SLC9B1: variants seen among roughly 807,000 people sequenced by gnomAD.
SLC9B1 encodes the protein sodium/hydrogen exchanger 9B1.
A neutral mutation model predicts 51.7 loss-of-function variants in SLC9B1; 32 were observed. The ratio of observed to expected loss-of-function variants is 0.62; its 90% CI spans 0.47 to 0.83. The LOEUF is 0.83. Ranked by LOEUF, SLC9B1 falls within the 40% of genes least tolerant of loss-of-function variation. The pLI, the probability that SLC9B1 is intolerant of heterozygous loss-of-function variation, is 0.00. For synonymous variants in SLC9B1, 145 were observed against 212.7 expected, an observed-to-expected ratio of 0.68 and a Z score of 2.77; for missense variants, 406 against 613.2, an observed-to-expected ratio of 0.66 and a Z score of 3.57.
chr4:103,011,721 C>T (rs528526041), intron 1 of SLC9B1, among the ~76,000 whole-genome samples: 2 of 152,302 alleles, frequency 1.3e-5, no homozygotes, highest in East Asian at 3.9e-4. Flanking sequence ...TGACACTGCA[C>T]CTGGGCCTGC....
chr4:102,907,415 G>GA (rs1377907282), intron 9 of SLC9B1, among the ~76,000 whole-genome samples: 6 of 152,162 alleles, frequency 3.9e-5, no homozygotes, highest in African/African-American at 1.2e-4. Flanking sequence ...ATACTACTAG[G>GA]AAAAACAATT....
chr4:102,901,332 C>G lies in SLC9B1; in HGVS notation c.1333G>C (p.Ala445Pro), dbSNP rs771570124. Reference sequence around the variant, plus strand: ...TCTAGAGCCAGAGGACCTAACACAGCCTGCATTTAGGGGTAAAAATGGGGC... The same window carrying G: ...TCTAGAGCCAGAGGACCTAACACAGGCTGCATTTAGGGGTAAAAATGGGGC... ...LAWMPKATVQ[A>P]VLGPLALETA... The change falls in exon 12 of 12, where the codon GCT (alanine) becomes CCT (proline). Residue 445 changes from alanine to proline, a missense_variant and splice_region_variant. By Grantham distance (27) the Ala-to-Pro change is conservative (BLOSUM62 -1). Transcript: ENST00000296422. The G allele has an allele frequency of 1.9e-5, 29 of 1,487,378 alleles. No individual in the cohort carries two copies. The highest frequency in any genetic ancestry group is 2.0e-5 in the Non-Finnish European group (22 of 1,084,332). 92.1% of individuals were successfully genotyped at this position (1,487,378 alleles called of 1,614,324 possible).
At chr4:102,903,875 C>T (rs1734901717) in intron 11 of SLC9B1, among the ~76,000 whole-genome samples, 3 of 152,208 alleles carry the variant, frequency 2.0e-5, no homozygotes, top group Admixed American at 2.0e-4. Context: ...ACAACTGCAA[C>T]AACCAGACAC....
chr4:102,974,637 A>G (rs1458464866), intron 3 of SLC9B1, among the ~76,000 whole-genome samples: 1 of 152,188 alleles, frequency 6.6e-6, no homozygotes, highest in Non-Finnish European at 1.5e-5. Context: ...TCCTGTATCT[A>G]TTTTTAAAAA....
intron 3 of SLC9B1, among the ~76,000 whole-genome samples, chr4:102,983,946 T>A (rs1739488279): frequency 6.6e-6 from 1 of 152,076 alleles, no homozygotes; most frequent in South Asian, 2.1e-4. Flanking sequence ...CTCTTTTCTT[T>A]CTAGCTTCCT....
intron 3 of SLC9B1, among the ~76,000 whole-genome samples, chr4:102,966,070 G>T (rs1578386940): frequency 6.6e-6 from 1 of 152,336 alleles, no homozygotes; most frequent in Admixed American, 6.5e-5. Flanking sequence ...TGCTCTCACT[G>T]GTTGGAATTG....
At chr4:102,914,113 A>T (rs1368735147) in intron 7 of SLC9B1, among the ~76,000 whole-genome samples, 2 of 151,826 alleles carry the variant, frequency 1.3e-5, no homozygotes, top group Non-Finnish European at 2.9e-5. Flanking sequence ...GGGACTGCTG[A>T]TTCATCAGGT....
chr4:102,996,321 C>T (rs1740214153), intron 1 of SLC9B1, among the ~76,000 whole-genome samples: 1 of 152,040 alleles, frequency 6.6e-6, no homozygotes, highest in Non-Finnish European at 1.5e-5. Flanking sequence ...GAGCCAATAT[C>T]ATCTCCCACT....
At chr4:102,997,522 T>A (rs1740289658) in intron 1 of SLC9B1, among the ~76,000 whole-genome samples, 1 of 152,228 alleles carries the variant, frequency 6.6e-6, no homozygotes, top group Non-Finnish European at 1.5e-5. Flanking sequence ...TCACTTTGTA[T>A]CAGGCCTTGA....
rs576301931 is a variant in SLC9B1 at position 102,961,769 on chromosome 4, C to T, written c.212-12342G>A. Among the ~76,000 whole-genome samples, 13 of 152,228 alleles carry T rather than the reference C, an allele frequency of 8.5e-5. No homozygotes were observed. In the East Asian group the frequency reaches 1.5e-3, roughly 18 times the overall value. On this transcript the variant is annotated intron_variant, in intron 3 of 11. Transcript: ENST00000296422. ...TAAGTTCTGGGATACATGTGCAGAA[C>T]GTGCAGGTTTGTTACATAGGTATAC... is the stretch of plus-strand genomic sequence containing the variant.
At chr4:102,950,995 C>G (rs1281375646) in intron 3 of SLC9B1, among the ~76,000 whole-genome samples, 2 of 151,936 alleles carry the variant, frequency 1.3e-5, no homozygotes, top group African/African-American at 4.8e-5. Context: ...AACTCCATCT[C>G]AAGAAAACAA....
chr4:102,913,023 A>T (rs778756827), intron 7 of SLC9B1, among the ~76,000 whole-genome samples: 24 of 152,214 alleles, frequency 1.6e-4, no homozygotes, highest in Non-Finnish European at 3.4e-4. Context: ...AAGCTGTAGT[A>T]GCACAGACAA....
intron 11 of SLC9B1, chr4:102,890,847 A>G (rs1442077020): frequency 1.4e-5 from 2 of 148,114 alleles, no homozygotes; most frequent in Non-Finnish European, 3.0e-5. Flanking sequence ...TCTTAAAAAA[A>G]AAAAAAGTCT....
chr4:103,008,875 C>G (rs1417011014), intron 1 of SLC9B1, among the ~76,000 whole-genome samples: 1 of 147,842 alleles, frequency 6.8e-6, no homozygotes. Flanking sequence ...TCTCGACTCA[C>G]GGCAACCTCC....
intron 3 of SLC9B1, among the ~76,000 whole-genome samples, chr4:102,967,034 T>A (rs201018118): frequency 2.1e-4 from 32 of 150,592 alleles, no homozygotes; most frequent in Middle Eastern, 3.4e-3. Flanking sequence ...AAATTTTTGC[T>A]ATGGTCTAAC....
intron 9 of SLC9B1, among the ~76,000 whole-genome samples, chr4:102,910,099 G>C (rs1735267534): frequency 6.6e-6 from 1 of 152,044 alleles, no homozygotes; most frequent in Non-Finnish European, 1.5e-5. Flanking sequence ...ACAGGCATGA[G>C]CCACCGTCCC....
Position 102,906,602 on chromosome 4 carries a change from G to C in SLC9B1, c.1129C>G (p.Gln377Glu), listed in dbSNP as rs761670937. The change falls in exon 10 of 12, where the codon CAA becomes GAA. Residue 377 changes from glutamine to glutamate, a missense_variant. Coordinates refer to ENST00000296422, the MANE Select transcript of SLC9B1 (RefSeq NM_139173.4). ...KIITTVWDIF[Q>E]PLLFGLVGAE... ...CCAACTAAACCAAAAAGAAGTGGTT[G>C]AAAAATATCCCATACAGTCGTAATA... The C allele has an allele frequency of 6.3e-7, 1 of 1,588,998 alleles. No individual in the cohort carries two copies. Among genetic ancestry groups the C allele is most frequent in the African/African-American group, 1.3e-5 (1 of 74,578 alleles).
chr4:103,010,540 T>C (rs1741038659), intron 1 of SLC9B1, among the ~76,000 whole-genome samples: 1 of 152,060 alleles, frequency 6.6e-6, no homozygotes, highest in Non-Finnish European at 1.5e-5. Flanking sequence ...GATTGGGTAA[T>C]TTATAAATAA....
rs574335479 is a variant in SLC9B1, at chr4:102,893,567, A to G, written c.1333-8239T>C. ...TAAAGTATCCCAAATTTTTTTTAAA[A>G]AGAAAAACCAATTCATTTCACATAG... is the stretch of plus-strand genomic sequence containing the variant. On this transcript the variant is annotated intron_variant, in intron 11 of 11. Coordinates refer to the SLC9B1 transcript ENST00000394789. 3.2e-3 allele frequency among the ~76,000 whole-genome samples: 485 copies of G among 152,292 alleles called. 3 individuals are homozygous for G. The Middle Eastern group carries it at 0.034, about 11-fold the overall frequency.
Sources: allele counts gnomAD v4.1 joint callset (sites outside exome capture counted in the v4.1 genomes callset), GRCh38; gene constraint gnomAD v4.1.1; transcripts MANE v1.5; gene names NCBI Gene and HGNC (gene_info 2026-07-23, HGNC 2026-07-21).